NAALADL2: variants seen among roughly 807,000 people sequenced by gnomAD.
NAALADL2 encodes the protein inactive N-acetylated-alpha-linked acidic dipeptidase-like protein 2.
In NAALADL2, 76 loss-of-function variants were observed where a neutral mutation model predicts 87.2. That is an observed-to-expected ratio of 0.87 (90% CI 0.72 to 1.05). The LOEUF is 1.05. Among genes scored for constraint, NAALADL2 ranks in the 50% least tolerant of loss-of-function variants. NAALADL2 has a pLI of 0.00. For missense variants in NAALADL2, 1,089 were observed against 945.8 expected, an observed-to-expected ratio of 1.15 and a Z score of -1.99; for synonymous variants, 354 against 331.0, an observed-to-expected ratio of 1.07 and a Z score of -0.75.
intron 2 of NAALADL2, among the ~76,000 whole-genome samples, chr3:175,177,735 T>A (rs1035341639): frequency 1.2e-4 from 19 of 152,216 alleles, no homozygotes; most frequent in African/African-American, 3.4e-4. Context: ...TATTTTCATG[T>A]ATGCACGTAT....
At chr3:174,956,520 T>C (rs552258837) in intron 1 of NAALADL2, among the ~76,000 whole-genome samples, 1 of 152,202 alleles carries the variant, frequency 6.6e-6, no homozygotes, top group South Asian at 2.1e-4. Context: ...AGTACATATA[T>C]TATATAGGGT....
At chr3:174,578,769 A>G (rs1010125712) in intron 2 of NAALADL2, among the ~76,000 whole-genome samples, 17 of 151,946 alleles carry the variant, frequency 1.1e-4, no homozygotes, top group African/African-American at 4.1e-4. Context: ...GGAGGATTCT[A>G]TTCATAATTT....
chr3:175,484,507 TAAGTC>T, intron 9 of NAALADL2, among the ~76,000 whole-genome samples: 1 of 152,146 alleles, frequency 6.6e-6, no homozygotes, highest in Non-Finnish European at 1.5e-5. Context: ...GAAAATAACA[TAAGTC>T]AACTCACTTT....
intron 2 of NAALADL2, among the ~76,000 whole-genome samples, chr3:175,147,101 C>T (rs1444572614): frequency 1.3e-5 from 2 of 152,034 alleles, no homozygotes; most frequent in African/African-American, 4.8e-5. Context: ...AAAATAATTT[C>T]AAATTCATTT....
intron 9 of NAALADL2, among the ~76,000 whole-genome samples, chr3:175,498,115 A>G (rs192309834): frequency 1.3e-5 from 2 of 152,268 alleles, no homozygotes; most frequent in Non-Finnish European, 2.9e-5. Flanking sequence ...GTGAACTTGA[A>G]AACAGACTAT....
At chr3:175,729,015 A>G (rs1428802914) in intron 11 of NAALADL2, among the ~76,000 whole-genome samples, 5 of 152,298 alleles carry the variant, frequency 3.3e-5, no homozygotes, top group East Asian at 1.9e-4. Flanking sequence ...TTTTACAGTC[A>G]TCTAGGTTCC....
chr3:175,013,294 TATATATA>T (rs1164317013), intron 1 of NAALADL2, among the ~76,000 whole-genome samples: 11 of 84,094 alleles, frequency 1.3e-4, no homozygotes, highest in African/African-American at 6.4e-4. Flanking sequence ...TATATATATA[TATATATA>T]TTTTTTTTTT....
intron 3 of NAALADL2, among the ~76,000 whole-genome samples, chr3:174,830,075 A>T (rs1430397992): frequency 1.5e-3 from 158 of 103,776 alleles, no homozygotes; most frequent in Admixed American, 1.8e-3. Flanking sequence ...TTGCCTGTTC[A>T]CTCTGATGGT....
At chr3:175,622,802 A>G (rs1179485768) in intron 10 of NAALADL2, among the ~76,000 whole-genome samples, 2 of 152,186 alleles carry the variant, frequency 1.3e-5, no homozygotes. Flanking sequence ...GTATTAAAGC[A>G]TCACATAAAA....
At chr3:175,366,577 T>G (rs1278091968) in intron 5 of NAALADL2, among the ~76,000 whole-genome samples, 4 of 151,996 alleles carry the variant, frequency 2.6e-5, no homozygotes, top group South Asian at 2.1e-4. Flanking sequence ...GGTATCCCAT[T>G]GTGGTTTTGA....
intron 2 of NAALADL2, among the ~76,000 whole-genome samples, chr3:175,204,902 G>A (rs1740592101): frequency 6.6e-6 from 1 of 151,728 alleles, no homozygotes; most frequent in South Asian, 2.1e-4. Context: ...CAACTAAAGA[G>A]TCAAAAGACC....
intron 1 of NAALADL2, among the ~76,000 whole-genome samples, chr3:174,896,446 C>A (rs960035168): frequency 5.9e-5 from 9 of 151,766 alleles, no homozygotes; most frequent in African/African-American, 2.2e-4. Context: ...AGGTAAATAC[C>A]TAGGAATTAA....
At chr3:174,509,249 A>T (rs936347906) in intron 1 of NAALADL2, among the ~76,000 whole-genome samples, 1 of 152,078 alleles carries the variant, frequency 6.6e-6, no homozygotes, top group Non-Finnish European at 1.5e-5. Context: ...ATAAAGAAGG[A>T]TGTTAGCTGT....
intron 1 of NAALADL2, among the ~76,000 whole-genome samples, chr3:174,469,769 T>C (rs1385650910): frequency 6.6e-6 from 1 of 152,102 alleles, no homozygotes; most frequent in Non-Finnish European, 1.5e-5. Flanking sequence ...ACCTGGTTTG[T>C]GTTAAATGGA....
At chr3:175,506,524 A>C (rs1730345162) in intron 9 of NAALADL2, among the ~76,000 whole-genome samples, 1 of 152,186 alleles carries the variant, frequency 6.6e-6, no homozygotes. Context: ...TCATATTCAG[A>C]TATAGGTTGA....
At chr3:175,674,402 G>A (rs1734470121) in intron 11 of NAALADL2, among the ~76,000 whole-genome samples, 1 of 151,872 alleles carries the variant, frequency 6.6e-6, no homozygotes, top group South Asian at 2.1e-4. Flanking sequence ...TGGGACTACG[G>A]ATGCACACCA....
At chr3:174,787,600 T>TATATATATATATACACACAC (rs1716913143) in intron 3 of NAALADL2, among the ~76,000 whole-genome samples, 2 of 68,468 alleles carry the variant, frequency 2.9e-5, no homozygotes, top group African/African-American at 8.7e-5. Context: ...TATATATATA[T>TATATATATATATACACACAC]ATATATATAT....
At chr3:175,673,866 C>T (rs1435644714) in intron 11 of NAALADL2, among the ~76,000 whole-genome samples, 1 of 151,696 alleles carries the variant, frequency 6.6e-6, no homozygotes, top group African/African-American at 2.4e-5. Context: ...TCTCTCCATG[C>T]ATATAGGCAG....
intron 3 of NAALADL2, among the ~76,000 whole-genome samples, chr3:174,836,440 C>T (rs1256166329): frequency 6.6e-6 from 1 of 152,070 alleles, no homozygotes; most frequent in Non-Finnish European, 1.5e-5. Flanking sequence ...TAATATTGAA[C>T]TCTGCAGTTA....
Sources: allele counts gnomAD v4.1 joint callset (sites outside exome capture counted in the v4.1 genomes callset), GRCh38; gene constraint gnomAD v4.1.1; transcripts MANE v1.5; gene names NCBI Gene and HGNC (gene_info 2026-07-23, HGNC 2026-07-21).